The following XPR1 variants were observed in gnomAD, a reference collection of about 807,000 sequenced individuals.
The protein encoded by XPR1 is solute carrier family 53 member 1.
XPR1 carries 28 observed loss-of-function variants against 87.5 expected under a neutral mutation model. The ratio of observed to expected loss-of-function variants is 0.32; its 90% CI spans 0.24 to 0.44. The LOEUF (loss-of-function observed/expected upper bound fraction) is 0.44, where lower values mean the gene tolerates loss of function less well. Ranked by LOEUF, XPR1 falls within the 20% of genes least tolerant of loss-of-function variation. The probability of loss-of-function intolerance (pLI) is 1.00; values close to 1 mark genes in which losing one functional copy is unlikely to be tolerated. For missense variants in XPR1, 559 were observed against 862.3 expected, an observed-to-expected ratio of 0.65 and a Z score of 4.41; for synonymous variants, 300 against 306.1, an observed-to-expected ratio of 0.98 and a Z score of 0.21.
chr1:180,852,170 T>C (rs918304407), intron 11 of XPR1, among the ~76,000 whole-genome samples: 9 of 152,052 alleles, frequency 5.9e-5, no homozygotes, highest in Non-Finnish European at 8.8e-5. Flanking sequence ...AGTGGTTAAC[T>C]CAGTGAAGGT....
chr1:180,632,425 C>T (rs1654618218), intron 1 of XPR1, among the ~76,000 whole-genome samples, 155 bp downstream of exon 1: 1 of 152,120 alleles, frequency 6.6e-6, no homozygotes, highest in South Asian at 2.1e-4. Flanking sequence ...CCGCCGCGGC[C>T]GGCCGCCTCC....
intron 1 of XPR1, among the ~76,000 whole-genome samples, chr1:180,647,556 C>G (rs1180650619): frequency 1.3e-5 from 2 of 152,110 alleles, no homozygotes; most frequent in African/African-American, 4.8e-5. Context: ...TCATTGCGTT[C>G]TAAGGAAAGC....
intron 2 of XPR1, among the ~76,000 whole-genome samples, chr1:180,688,498 G>A (rs1656867171): frequency 6.6e-6 from 1 of 152,110 alleles, no homozygotes; most frequent in Non-Finnish European, 1.5e-5. Context: ...GGATTAAAGT[G>A]ACTAGAATTG....
chr1:180,703,167 G>T (rs1482253473), intron 2 of XPR1, among the ~76,000 whole-genome samples: 1 of 152,140 alleles, frequency 6.6e-6, no homozygotes, highest in Non-Finnish European at 1.5e-5. Flanking sequence ...GGGCACCAGT[G>T]GTGGTGGCAG....
At chr1:180,687,471 C>CT (rs1436189112) in intron 2 of XPR1, among the ~76,000 whole-genome samples, 1 of 152,148 alleles carries the variant, frequency 6.6e-6, no homozygotes, top group Non-Finnish European at 1.5e-5. Context: ...TTTCTTTATA[C>CT]TTTCATGTAA....
At chr1:180,883,305 C>G (rs971865427) in intron 14 of XPR1, among the ~76,000 whole-genome samples, 1 of 151,950 alleles carries the variant, frequency 6.6e-6, no homozygotes, top group African/African-American at 2.4e-5. Flanking sequence ...ACTTGATATG[C>G]ATACTGTCTC....
intron 2 of XPR1, among the ~76,000 whole-genome samples, chr1:180,735,044 TACTC>T (rs1478875086): frequency 6.6e-6 from 1 of 152,238 alleles, no homozygotes; most frequent in African/African-American, 2.4e-5. Flanking sequence ...TCTCTTGACT[TACTC>T]ATAGGAATTG....
intron 2 of XPR1, among the ~76,000 whole-genome samples, chr1:180,699,780 GA>G (rs1657296884): frequency 2.7e-5 from 1 of 37,132 alleles, no homozygotes; most frequent in Non-Finnish European, 4.4e-5. Flanking sequence ...GATCCCTGAG[GA>G]ATCGCCACAC....
At chr1:180,882,667 T>C (rs1652881038) in intron 14 of XPR1, among the ~76,000 whole-genome samples, 1 of 152,226 alleles carries the variant, frequency 6.6e-6, no homozygotes, top group South Asian at 2.1e-4. Flanking sequence ...CCTGATTTTA[T>C]TGTTGGTATT....
intron 2 of XPR1, among the ~76,000 whole-genome samples, chr1:180,738,187 T>C (rs1470403220): frequency 6.6e-6 from 1 of 152,046 alleles, no homozygotes; most frequent in Admixed American, 6.6e-5. Flanking sequence ...AATTTTTGTA[T>C]TTTTAGTAGA....
intron 2 of XPR1, among the ~76,000 whole-genome samples, chr1:180,715,608 T>A (rs909250380): frequency 6.6e-6 from 1 of 152,158 alleles, no homozygotes; most frequent in Non-Finnish European, 1.5e-5. Context: ...GTCTTGAAAT[T>A]ATCTGTATGG....
intron 1 of XPR1, among the ~76,000 whole-genome samples, chr1:180,672,318 A>G (rs1165059518): frequency 6.6e-6 from 1 of 152,204 alleles, no homozygotes; most frequent in African/African-American, 2.4e-5. Context: ...AGTCAGGCTT[A>G]ATGCTTATAT....
intron 11 of XPR1, among the ~76,000 whole-genome samples, chr1:180,855,680 G>T (rs557534431): frequency 5.3e-5 from 8 of 149,982 alleles, no homozygotes; most frequent in Admixed American, 3.3e-4. Flanking sequence ...AAAAAAAAGT[G>T]GGGGGAGGGG....
chr1:180,674,780 C>CT, intron 1 of XPR1, among the ~76,000 whole-genome samples: 1 of 152,302 alleles, frequency 6.6e-6, no homozygotes. Context: ...ACCAGCCACT[C>CT]TGTTATGCTG....
chr1:180,680,472 T>A (rs1201402994), intron 1 of XPR1, among the ~76,000 whole-genome samples: 1 of 149,906 alleles, frequency 6.7e-6, no homozygotes, highest in African/African-American at 2.5e-5. Flanking sequence ...TTCAAGCGAT[T>A]CTCCTGTCTC....
At chr1:180,817,569 T>G (rs1232296557) in intron 7 of XPR1, among the ~76,000 whole-genome samples, 1 of 152,240 alleles carries the variant, frequency 6.6e-6, no homozygotes, top group African/African-American at 2.4e-5. Flanking sequence ...CCTACAGTAT[T>G]CTGTACAGTA....
chr1:180,782,696 A>G (rs1273847004), intron 2 of XPR1, among the ~76,000 whole-genome samples: 1 of 151,958 alleles, frequency 6.6e-6, no homozygotes, highest in Non-Finnish European at 1.5e-5. Context: ...TCCAAATACA[A>G]GTCACATTGT....
chr1:180,792,406 C>T (rs930906515), intron 3 of XPR1, among the ~76,000 whole-genome samples: 2 of 152,024 alleles, frequency 1.3e-5, no homozygotes, highest in South Asian at 2.1e-4. Flanking sequence ...TTTTTCTTGC[C>T]GATGCTATTT....
intron 1 of XPR1, among the ~76,000 whole-genome samples, chr1:180,661,772 G>A (rs1310025884): frequency 6.6e-6 from 1 of 152,072 alleles, no homozygotes; most frequent in Non-Finnish European, 1.5e-5. Flanking sequence ...CTAATCAGGA[G>A]GCTGCGGCAG....
Sources: allele counts gnomAD v4.1 joint callset (sites outside exome capture counted in the v4.1 genomes callset), GRCh38; gene constraint gnomAD v4.1.1; transcripts MANE v1.5; gene names NCBI Gene and HGNC (gene_info 2026-07-23, HGNC 2026-07-21).